Variants in SPATA31D3 observed in about 807,000 individuals in gnomAD.
SPATA31D3 encodes the protein spermatogenesis-associated protein 31D3.
For missense variants in SPATA31D3, 91 were observed against 297.9 expected (o/e 0.31, Z 5.11); for synonymous variants, 27 against 107.8 (o/e 0.25, Z 4.65).
chr9:81,949,635 G>T lies in SPATA31D3; in HGVS notation c.*1628G>T. ...CCCCAGTGCAGCTTGGGAAATCTCAGAATGTGCCAGAACTGCAGGTCAGAG... is the reference window on the plus strand; with the variant it reads ...CCCCAGTGCAGCTTGGGAAATCTCATAATGTGCCAGAACTGCAGGTCAGAG... On this transcript the variant is annotated 3_prime_UTR_variant, in exon 4 of 4. Coordinates refer to ENST00000445385, the MANE Select transcript of SPATA31D3 (RefSeq NM_207416.3). 1 of 861,428 alleles carries T rather than the reference G, an allele frequency of 1.2e-6. No homozygotes were observed. The highest frequency in any genetic ancestry group is 1.4e-5 in the South Asian group (1 of 70,864). 53.4% of individuals were successfully genotyped at this position (861,428 alleles called of 1,614,324 possible).
Position 81,949,672 on chromosome 9 carries a change from C to A in SPATA31D3, c.*1665C>A, listed in dbSNP as rs1008227229. On this transcript the variant is annotated 3_prime_UTR_variant, in exon 4 of 4. Coordinates refer to ENST00000445385, the MANE Select transcript of SPATA31D3 (RefSeq NM_207416.3). ...ACTGCAGGTCAGAGCAGAGCCTGTC[C>A]AGGGCTATCCCTGCAACTACATGGC... 3 of 1,192,318 alleles carry A rather than the reference C, an allele frequency of 2.5e-6. No individual in the cohort carries two copies. The highest frequency in any genetic ancestry group is 3.0e-5 in the African/African-American group (2 of 66,380). The allele number at this position is 1,192,318 out of a possible 1,614,324, so 73.9% of individuals were successfully genotyped here.
Position 81,949,648 on chromosome 9 carries a change from C to A in SPATA31D3, c.*1641C>A. The A allele has an allele frequency of 2.1e-6, 2 of 950,386 alleles. No homozygotes were observed. Among genetic ancestry groups the A allele is most frequent in the Non-Finnish European group, 1.7e-6 (1 of 590,682 alleles). 58.9% of individuals were successfully genotyped at this position (950,386 alleles called of 1,614,324 possible). On this transcript the variant is annotated 3_prime_UTR_variant, in exon 4 of 4. Transcript: ENST00000445385. The stretch of plus-strand genomic sequence containing the variant: ...TGGGAAATCTCAGAATGTGCCAGAA[C>A]TGCAGGTCAGAGCAGAGCCTGTCCA...
In SPATA31D3 at chr9:81,949,580, A is replaced by G. The variant is rs1455091073; in HGVS notation, c.*1573A>G. The G allele has an allele frequency of 3.0e-5, 19 of 636,768 alleles. No homozygotes were observed. The highest frequency in any genetic ancestry group is 5.0e-5 in the Non-Finnish European group (17 of 341,430). The allele number at this position is 636,768 out of a possible 1,614,324, so 39.4% of individuals were successfully genotyped here. On this transcript the variant is annotated 3_prime_UTR_variant, in exon 4 of 4. Transcript: ENST00000445385. ...AAGCTGGGGCATAGACATTGAATAG[A>G]TATCACCTGTCCCCAGGAGCCCCTT...
Position 81,949,404 on chromosome 9 carries a change from A to C in SPATA31D3, c.*1397A>C, listed in dbSNP as rs1823975144. The C allele has an allele frequency of 2.7e-6, 1 of 370,332 alleles. No individual in the cohort carries two copies. The highest frequency in any genetic ancestry group is 5.3e-6 in the Non-Finnish European group (1 of 187,702). The allele number at this position is 370,332 out of a possible 1,614,324, so 22.9% of individuals were successfully genotyped here. Reference sequence around the variant, plus strand: ...TGCAGCAGTCTAATAAACCCATCATAACATATGGAAAACAAGAAAGTTCCT... The same window carrying C: ...TGCAGCAGTCTAATAAACCCATCATCACATATGGAAAACAAGAAAGTTCCT... On this transcript the variant is annotated 3_prime_UTR_variant, in exon 4 of 4. Transcript: ENST00000445385.
rs1376022828 is a variant in SPATA31D3 at position 81,949,652 on chromosome 9, A to T, written c.*1645A>T. 1.2e-5 allele frequency: 12 copies of T among 969,808 alleles called. No individual in the cohort carries two copies. The East Asian group carries it at 2.9e-4, about 24-fold the overall frequency. 60.1% of individuals were successfully genotyped at this position (969,808 alleles called of 1,614,324 possible). A position where few individuals can be genotyped will look rare whatever the true frequency, so the allele number is the denominator to read the frequency against. Reference sequence around the variant, plus strand: ...AAATCTCAGAATGTGCCAGAACTGCAGGTCAGAGCAGAGCCTGTCCAGGGC... The same window carrying T: ...AAATCTCAGAATGTGCCAGAACTGCTGGTCAGAGCAGAGCCTGTCCAGGGC... On this transcript the variant is annotated 3_prime_UTR_variant, in exon 4 of 4. Coordinates refer to ENST00000445385, the MANE Select transcript of SPATA31D3 (RefSeq NM_207416.3).
At position 81,949,380 on chromosome 9, in the gene SPATA31D3, G is replaced by A; in HGVS notation, c.*1373G>A. The A allele has an allele frequency of 2.9e-6, 1 of 348,926 alleles. No homozygotes were observed. Among genetic ancestry groups the A allele is most frequent in the Non-Finnish European group, 5.7e-6 (1 of 176,282 alleles). 21.6% of individuals were successfully genotyped at this position (348,926 alleles called of 1,614,324 possible). A position where few individuals can be genotyped will look rare whatever the true frequency, so the allele number is the denominator to read the frequency against. On this transcript the variant is annotated 3_prime_UTR_variant, in exon 4 of 4. Coordinates refer to ENST00000445385, the MANE Select transcript of SPATA31D3 (RefSeq NM_207416.3). ...TCGGAACATTGATGAAGACCTTTTT[G>A]CAGCAGTCTAATAAACCCATCATAA...
chr9:81,949,631 C>A lies in SPATA31D3; in HGVS notation c.*1624C>A. The A allele has an allele frequency of 1.2e-6, 1 of 843,240 alleles. No individual in the cohort carries two copies. 52.2% of individuals were successfully genotyped at this position (843,240 alleles called of 1,614,324 possible). On this transcript the variant is annotated 3_prime_UTR_variant, in exon 4 of 4. Coordinates refer to ENST00000445385, the MANE Select transcript of SPATA31D3 (RefSeq NM_207416.3). ...TCCTCCCCAGTGCAGCTTGGGAAATCTCAGAATGTGCCAGAACTGCAGGTC... is the reference window on the plus strand; with the variant it reads ...TCCTCCCCAGTGCAGCTTGGGAAATATCAGAATGTGCCAGAACTGCAGGTC...
At position 81,949,512 on chromosome 9, in the gene SPATA31D3, A is replaced by C. The variant is rs1587488054; in HGVS notation, c.*1505A>C. 7.3e-6 allele frequency: 4 copies of C among 550,584 alleles called. No individual in the cohort carries two copies. In the East Asian group the frequency reaches 1.4e-4, roughly 20 times the overall value. 34.1% of individuals were successfully genotyped at this position (550,584 alleles called of 1,614,324 possible). A position where few individuals can be genotyped will look rare whatever the true frequency, so the allele number is the denominator to read the frequency against. ...GAGCTGTCTTTACTGGGACTATTGA[A>C]GCTCAGAAAATTAGGAAAGACACTG... On this transcript the variant is annotated 3_prime_UTR_variant, in exon 4 of 4. Coordinates refer to ENST00000445385, the MANE Select transcript of SPATA31D3 (RefSeq NM_207416.3).
In SPATA31D3 at chr9:81,949,816, G is replaced by A. The variant is rs1256217622; in HGVS notation, c.*1809G>A. On this transcript the variant is annotated 3_prime_UTR_variant, in exon 4 of 4. Transcript: ENST00000445385. Reference sequence around the variant, plus strand: ...CAAGGACAGATAGCCCCAGGAAGTTGGACATTTAAGGGGAAGATATTGTGT... The same window carrying A: ...CAAGGACAGATAGCCCCAGGAAGTTAGACATTTAAGGGGAAGATATTGTGT... The A allele has an allele frequency of 5.2e-6, 6 of 1,150,146 alleles. No homozygotes were observed. The highest frequency in any genetic ancestry group is 1.5e-5 in the African/African-American group (1 of 65,552). 71.2% of individuals were successfully genotyped at this position (1,150,146 alleles called of 1,614,324 possible). A position where few individuals can be genotyped will look rare whatever the true frequency, so the allele number is the denominator to read the frequency against.
At chr9:81,945,273 CTTTTTT>C (rs769927001) in intron 3 of SPATA31D3, 41 bp downstream of exon 3, 46 of 92,102 alleles carry the variant, frequency 5.0e-4, no homozygotes, top group African/African-American at 1.5e-3. Flanking sequence ...CCACCGCCTT[CTTTTTT>C]TTTTTTTTTT....
chr9:81,949,606 T>C lies in SPATA31D3; in HGVS notation c.*1599T>C, dbSNP rs769637967. The C allele has an allele frequency of 4.3e-6, 3 of 701,156 alleles. No individual in the cohort carries two copies. The highest frequency in any genetic ancestry group is 7.8e-6 in the Non-Finnish European group (3 of 385,820). 43.4% of individuals were successfully genotyped at this position (701,156 alleles called of 1,614,324 possible). A position where few individuals can be genotyped will look rare whatever the true frequency, so the allele number is the denominator to read the frequency against. On this transcript the variant is annotated 3_prime_UTR_variant, in exon 4 of 4. Transcript: ENST00000445385. ...TATCACCTGTCCCCAGGAGCCCCTT[T>C]CCTCCCCAGTGCAGCTTGGGAAATC... is the stretch of plus-strand genomic sequence containing the variant.
Position 81,949,029 on chromosome 9 carries a change from C to T in SPATA31D3, c.*1022C>T, listed in dbSNP as rs553167548. 4.5e-6 allele frequency: 2 copies of T among 443,874 alleles called. No individual in the cohort carries two copies. Among genetic ancestry groups the T allele is most frequent in the South Asian group, 3.9e-5 (1 of 25,638 alleles). 27.5% of individuals were successfully genotyped at this position (443,874 alleles called of 1,614,324 possible). The stretch of plus-strand genomic sequence containing the variant: ...GTTCCAAGGACTTACTGACTCATGC[C>T]CAGGGCATCTCGAATCAGGACTTGG... On this transcript the variant is annotated 3_prime_UTR_variant, in exon 4 of 4. Coordinates refer to ENST00000445385, the MANE Select transcript of SPATA31D3 (RefSeq NM_207416.3).
At position 81,949,294 on chromosome 9, in the gene SPATA31D3, G is replaced by T. The variant is rs886106433; in HGVS notation, c.*1287G>T. The T allele has an allele frequency of 5.4e-6, 2 of 368,342 alleles. No individual in the cohort carries two copies. The highest frequency in any genetic ancestry group is 3.9e-5 in the Admixed American group (1 of 25,768). The allele number at this position is 368,342 out of a possible 1,614,324, so 22.8% of individuals were successfully genotyped here. A position where few individuals can be genotyped will look rare whatever the true frequency, so the allele number is the denominator to read the frequency against. On this transcript the variant is annotated 3_prime_UTR_variant, in exon 4 of 4. Transcript: ENST00000445385. ...TGCTATTCATAACAAGACATCAAGG[G>T]AGTCGCTTGGGAGCAAATCTTCCCC... is the stretch of plus-strand genomic sequence containing the variant.
rs1464635103 is a variant in SPATA31D3, at chr9:81,949,255, A to C, written c.*1248A>C. On this transcript the variant is annotated 3_prime_UTR_variant, in exon 4 of 4. Transcript: ENST00000445385. ...TGCAGGGCTGGGGACATCCCAACTC[A>C]GAAGAAAGAGCCATGCTATTCATAA... The C allele has an allele frequency of 2.6e-6, 1 of 381,452 alleles. No individual in the cohort carries two copies. Among genetic ancestry groups the C allele is most frequent in the African/African-American group, 2.1e-5 (1 of 48,614 alleles). The allele number at this position is 381,452 out of a possible 1,614,324, so 23.6% of individuals were successfully genotyped here. A position where few individuals can be genotyped will look rare whatever the true frequency, so the allele number is the denominator to read the frequency against.
Position 81,948,029 on chromosome 9 carries a change from G to A in SPATA31D3, c.*22G>A, listed in dbSNP as rs568223156. Reference sequence around the variant, plus strand: ...ATGAGGATGCTGTGGGGCCTTCCCCGCAAGATCCGTGAACCCACAGAAATC... The same window carrying A: ...ATGAGGATGCTGTGGGGCCTTCCCCACAAGATCCGTGAACCCACAGAAATC... On this transcript the variant is annotated 3_prime_UTR_variant, in exon 4 of 4. Transcript: ENST00000445385. 2.1e-4 allele frequency: 334 copies of A among 1,594,066 alleles called. 5 individuals are homozygous for A. The African/African-American group carries it at 3.4e-3, about 16-fold the overall frequency.
In SPATA31D3 at chr9:81,949,134, G is replaced by A. The variant is rs138977703; in HGVS notation, c.*1127G>A. 2.0e-5 allele frequency: 12 copies of A among 604,018 alleles called. No homozygotes were observed. Among genetic ancestry groups the A allele is most frequent in the Admixed American group, 5.1e-5 (2 of 39,150 alleles). 37.4% of individuals were successfully genotyped at this position (604,018 alleles called of 1,614,324 possible). A position where few individuals can be genotyped will look rare whatever the true frequency, so the allele number is the denominator to read the frequency against. On this transcript the variant is annotated 3_prime_UTR_variant, in exon 4 of 4. Transcript: ENST00000445385. ...AGCAGCAGGAGCCCAGGGTCCCTAC[G>A]CATGTCTTACAGAAATGCCAAGTTA... is the stretch of plus-strand genomic sequence containing the variant.
In SPATA31D3 at chr9:81,948,069, G is replaced by T; in HGVS notation, c.*62G>T. On this transcript the variant is annotated 3_prime_UTR_variant, in exon 4 of 4. Coordinates refer to ENST00000445385, the MANE Select transcript of SPATA31D3 (RefSeq NM_207416.3). ...CCACAGAAATCTTCAAATCAGAAGAGGATATTTCCAATTCCTTTTCCCATT... is the reference window on the plus strand; with the variant it reads ...CCACAGAAATCTTCAAATCAGAAGATGATATTTCCAATTCCTTTTCCCATT... 2 of 1,580,970 alleles carry T rather than the reference G, an allele frequency of 1.3e-6. No individual in the cohort carries two copies. The highest frequency in any genetic ancestry group is 1.7e-6 in the Non-Finnish European group (2 of 1,164,850).
At position 81,949,674 on chromosome 9, in the gene SPATA31D3, G is replaced by A; in HGVS notation, c.*1667G>A. On this transcript the variant is annotated 3_prime_UTR_variant, in exon 4 of 4. Transcript: ENST00000445385. ...TGCAGGTCAGAGCAGAGCCTGTCCAGGGCTATCCCTGCAACTACATGGCTC... is the reference window on the plus strand; with the variant it reads ...TGCAGGTCAGAGCAGAGCCTGTCCAAGGCTATCCCTGCAACTACATGGCTC... 3.3e-6 allele frequency: 4 copies of A among 1,207,926 alleles called. No homozygotes were observed. The highest frequency in any genetic ancestry group is 4.9e-6 in the Non-Finnish European group (4 of 817,768). 74.8% of individuals were successfully genotyped at this position (1,207,926 alleles called of 1,614,324 possible).
rs575185943 is a variant in SPATA31D3 at position 81,949,302 on chromosome 9, T to C, written c.*1295T>C. 8 of 366,536 alleles carry C rather than the reference T, an allele frequency of 2.2e-5. No homozygotes were observed. Among genetic ancestry groups the C allele is most frequent in the Non-Finnish European group, 4.2e-5 (8 of 188,272 alleles). 22.7% of individuals were successfully genotyped at this position (366,536 alleles called of 1,614,324 possible). A position where few individuals can be genotyped will look rare whatever the true frequency, so the allele number is the denominator to read the frequency against. On this transcript the variant is annotated 3_prime_UTR_variant, in exon 4 of 4. Transcript: ENST00000445385. ...ATAACAAGACATCAAGGGAGTCGCT[T>C]GGGAGCAAATCTTCCCCAACCTTGA...
Sources: gnomAD v4.1 joint callset for allele counts on GRCh38, gnomAD v4.1.1 for gene constraint, MANE v1.5 for transcripts, NCBI Gene and HGNC (gene_info 2026-07-23, HGNC 2026-07-21) for gene names.